The following MRTFA variants were observed in gnomAD, a reference collection of about 807,000 sequenced individuals.
MRTFA encodes myocardin-related transcription factor A.
Under a neutral mutation model 83.5 loss-of-function variants are expected in MRTFA, and 20 were observed. The ratio of observed to expected loss-of-function variants is 0.24; its 90% CI spans 0.17 to 0.35. MRTFA has a LOEUF of 0.35. Among genes scored for constraint, MRTFA ranks in the 10% least tolerant of loss-of-function variants. The probability of loss-of-function intolerance (pLI) is 1.00; values close to 1 mark genes in which losing one functional copy is unlikely to be tolerated. For synonymous variants in MRTFA, 659 were observed against 541.2 expected (o/e 1.22, Z -3.02); for missense variants, 1,200 against 1,224.7 (o/e 0.98, Z 0.30).
intron 1 of MRTFA, among the ~76,000 whole-genome samples, chr22:40,613,895 C>T (rs1009535193): frequency 1.2e-4 from 18 of 151,248 alleles, no homozygotes; most frequent in Admixed American, 8.6e-4. Flanking sequence ...GATGGAGACC[C>T]TGTTTCAAAA....
At chr22:40,431,523 AG>A in intron 5 of MRTFA, 43 bp from the exon 6 acceptor site, 3 of 1,582,190 alleles carry the variant, frequency 1.9e-6, no homozygotes, top group Non-Finnish European at 2.6e-6. Context: ...TCCAGGTCAC[AG>A]GCTTATGGCA....
intron 3 of MRTFA, among the ~76,000 whole-genome samples, chr22:40,487,389 T>C (rs1199494516): frequency 6.6e-6 from 1 of 152,182 alleles, no homozygotes; most frequent in African/African-American, 2.4e-5. Flanking sequence ...GAGCCAGAAC[T>C]GGAGTCATTA....
At chr22:40,423,786 G>C in intron 8 of MRTFA, 101 bp from the exon 9 acceptor site, 3 of 1,123,494 alleles carry the variant, frequency 2.7e-6, no homozygotes, top group South Asian at 2.0e-5. Flanking sequence ...ACCATTGTCA[G>C]AGGGCAAATG....
intron 3 of MRTFA, among the ~76,000 whole-genome samples, chr22:40,464,778 T>C (rs1324239601): frequency 6.6e-6 from 1 of 152,186 alleles, no homozygotes; most frequent in Non-Finnish European, 1.5e-5. Flanking sequence ...AAAGCCAAAC[T>C]TGTTTTCCTC....
intron 1 of MRTFA, among the ~76,000 whole-genome samples, chr22:40,600,390 C>T (rs1179752289): frequency 6.6e-6 from 1 of 152,126 alleles, no homozygotes; most frequent in Non-Finnish European, 1.5e-5. Context: ...CTTTCATATC[C>T]ACCACAAATC....
At position 40,569,767 on chromosome 22, in the gene MRTFA, A is replaced by ATC. The variant is rs1569333146; in HGVS notation, c.-21-17401_-21-17400insGA. On this transcript the variant is annotated intron_variant, in intron 2 of 14. Transcript: ENST00000355630. The stretch of plus-strand genomic sequence containing the variant: ...TACATACATACATACATACATACAT[A>ATC]CATACATACATCAAGGGGGTGATGT... The ATC allele has an allele frequency of 3.2e-3, 383 of 120,638 alleles. 5 individuals are homozygous for ATC. The highest frequency in any genetic ancestry group is 0.013 in the Admixed American group (145 of 11,192). The allele number at this position is 120,638 out of a possible 1,614,324, so 7.5% of individuals were successfully genotyped here. A position where few individuals can be genotyped will look rare whatever the true frequency, so the allele number is the denominator to read the frequency against.
chr22:40,539,339 ATTTT>A (rs567459121), intron 3 of MRTFA, among the ~76,000 whole-genome samples: 2 of 129,542 alleles, frequency 1.5e-5, no homozygotes, highest in Non-Finnish European at 3.3e-5. Flanking sequence ...GTTATTAACA[ATTTT>A]TTTTTTTTTT....
intron 3 of MRTFA, among the ~76,000 whole-genome samples, chr22:40,511,854 CTA>C (rs2054673500): frequency 6.6e-6 from 1 of 152,232 alleles, no homozygotes; most frequent in African/African-American, 2.4e-5. Context: ...ATGGTCTTTA[CTA>C]TGTCTTGCCT....
intron 9 of MRTFA, among the ~76,000 whole-genome samples, chr22:40,421,455 G>A (rs1229645800): frequency 6.6e-6 from 1 of 152,156 alleles, no homozygotes; most frequent in African/African-American, 2.4e-5. Flanking sequence ...CCAAAGACGG[G>A]GCCACACAAG....
chr22:40,552,879 TAAG>T (rs1016212290), intron 2 of MRTFA, among the ~76,000 whole-genome samples: 10 of 152,238 alleles, frequency 6.6e-5, no homozygotes, highest in African/African-American at 1.9e-4. Context: ...TTTAGAGGGC[TAAG>T]AAGAAGACAG....
chr22:40,468,852 C>T (rs1156731273), intron 3 of MRTFA, among the ~76,000 whole-genome samples: 1 of 152,200 alleles, frequency 6.6e-6, no homozygotes, highest in Non-Finnish European at 1.5e-5. Flanking sequence ...AGGGGGGAAA[C>T]TGCTATCCAG....
At chr22:40,456,024 G>C (rs1370615599) in intron 4 of MRTFA, among the ~76,000 whole-genome samples, 1 of 151,822 alleles carries the variant, frequency 6.6e-6, no homozygotes, top group Non-Finnish European at 1.5e-5. Flanking sequence ...ACTGGGTTTC[G>C]CCATGGTAAC....
At chr22:40,614,639 C>T (rs2056428591) in intron 1 of MRTFA, among the ~76,000 whole-genome samples, 1 of 152,086 alleles carries the variant, frequency 6.6e-6, no homozygotes, top group Admixed American at 6.6e-5. Context: ...TGGCATAAGC[C>T]ACCACACCCA....
In MRTFA at chr22:40,411,148, G is replaced by A. The variant is rs900499753; in HGVS notation, c.*242C>T. Reference sequence around the variant, plus strand: ...AGCTGAAATGGCCCTGACCCTGACCGTGTGTCCAAAACCCCAGCGTGAGAG... The same window carrying A: ...AGCTGAAATGGCCCTGACCCTGACCATGTGTCCAAAACCCCAGCGTGAGAG... On this transcript the variant is annotated 3_prime_UTR_variant, in exon 15 of 15. Transcript: ENST00000355630. 11 of 403,584 alleles carry A rather than the reference G, an allele frequency of 2.7e-5. No individual in the cohort carries two copies. The highest frequency in any genetic ancestry group is 9.3e-5 in the South Asian group (1 of 10,700). 25.0% of individuals were successfully genotyped at this position (403,584 alleles called of 1,614,324 possible). A position where few individuals can be genotyped will look rare whatever the true frequency, so the allele number is the denominator to read the frequency against.
intron 2 of MRTFA, among the ~76,000 whole-genome samples, chr22:40,561,198 G>C (rs918208364): frequency 2.9e-5 from 4 of 135,780 alleles, no homozygotes; most frequent in South Asian, 2.2e-4. Context: ...GGGTATCTCT[G>C]TGTGTGTGTG....
intron 3 of MRTFA, among the ~76,000 whole-genome samples, chr22:40,491,987 C>A (rs2054278920): frequency 6.6e-6 from 1 of 152,220 alleles, no homozygotes; most frequent in Non-Finnish European, 1.5e-5. Context: ...ATACTCGAAC[C>A]TTCCCGCAAA....
chr22:40,574,271 G>C (rs751494373), intron 2 of MRTFA, among the ~76,000 whole-genome samples: 1 of 151,994 alleles, frequency 6.6e-6, no homozygotes, highest in East Asian at 1.9e-4. Context: ...TGTATCCATT[G>C]GTTCTGCTTC....
Position 40,420,502 on chromosome 22 carries a change from C to G in MRTFA, c.1256G>C (p.Ser419Thr). Residue 419 changes from serine (S) to threonine (T), a missense_variant, in exon 11 of 15, where the codon AGC becomes ACC. By Grantham distance (58) the Ser-to-Thr change is moderately conservative. Around this residue, in one of 2 missense-constraint regions of MRTFA, gnomAD observed 1,107 missense variants for 1,041.8 expected, o/e 1.06. Transcript: ENST00000355630. ...CCCACAGGGCCCAGGGGCGCCCGAGCTGGAGCTGCTATTGGTAGTGGAGAG... is the reference window on the plus strand; with the variant it reads ...CCCACAGGGCCCAGGGGCGCCCGAGGTGGAGCTGCTATTGGTAGTGGAGAG... 6.2e-7 allele frequency: 1 copy of G among 1,613,788 alleles called. No individual in the cohort carries two copies. The highest frequency in any genetic ancestry group is 8.5e-7 in the Non-Finnish European group (1 of 1,180,040).
At chr22:40,515,336 T>C (rs2054740008) in intron 3 of MRTFA, among the ~76,000 whole-genome samples, 1 of 152,152 alleles carries the variant, frequency 6.6e-6, no homozygotes, top group Admixed American at 6.5e-5. Context: ...ACACCTGCCT[T>C]TATAGCATTT....
Sources: gnomAD v4.1 joint callset for allele counts (sites outside exome capture counted in the v4.1 genomes callset) on GRCh38, gnomAD v4.1.1 for gene constraint, gnomAD v4.1.1 regional missense constraint, MANE v1.5 for transcripts, NCBI Gene and HGNC (gene_info 2026-07-23, HGNC 2026-07-21) for gene names.